Variants in NKD2 observed in about 807,000 individuals in gnomAD.
NKD2 encodes protein naked cuticle homolog 2.
In NKD2, 43 loss-of-function variants were observed where a neutral mutation model predicts 34.8. The ratio of observed to expected loss-of-function variants is 1.24; its 90% CI spans 0.97 to 1.60. The LOEUF (loss-of-function observed/expected upper bound fraction) is 1.60. Among genes scored for constraint, NKD2 ranks in the 40% most tolerant of loss-of-function variants. The probability of loss-of-function intolerance (pLI) is 0.00; values close to 1 mark genes in which losing one functional copy is unlikely to be tolerated. For missense variants in NKD2, 675 were observed against 627.1 expected, an observed-to-expected ratio of 1.08 and a Z score of -0.82; for synonymous variants, 278 against 265.1, an observed-to-expected ratio of 1.05 and a Z score of -0.47.
At chr5:1,037,707 C>T in intron 9 of NKD2, 98 bp from the exon 10 acceptor site, 1 of 1,544,860 alleles carries the variant, frequency 6.5e-7, no homozygotes, top group Non-Finnish European at 8.7e-7. Context: ...AGGTGGGACC[C>T]CTGGCGCAGC....
In NKD2 at chr5:1,034,261, G is replaced by A. The variant is rs756742975; in HGVS notation, c.357G>A (p.Glu119=). Reference sequence around the variant, plus strand: ...CACTCCAGTGCGATGTCTCGGTGGAGGAGGACGACCGCCAGGAGTGGACGT... The same window carrying A: ...CACTCCAGTGCGATGTCTCGGTGGAAGAGGACGACCGCCAGGAGTGGACGT... ...IDALQCDVSV[E]EDDRQEWTFT... Residue 119 remains glutamate, a synonymous_variant, in exon 6 of 10, where the codon GAG becomes GAA. Transcript: ENST00000296849. 2 of 1,611,528 alleles carry A rather than the reference G, an allele frequency of 1.2e-6. No homozygotes were observed. The highest frequency in any genetic ancestry group is 1.7e-6 in the Non-Finnish European group (2 of 1,179,374).
intron 3 of NKD2, among the ~76,000 whole-genome samples, chr5:1,029,100 G>A (rs1560174): frequency 0.39 from 58,823 of 151,912 alleles, 12,377 homozygotes; most frequent in Middle Eastern, 0.48. Context: ...CAACCAGGAC[G>A]GATCTGATGA....
chr5:1,031,770 C>T (rs1756653440), intron 3 of NKD2, among the ~76,000 whole-genome samples: 1 of 152,164 alleles, frequency 6.6e-6, no homozygotes, highest in South Asian at 2.1e-4. Flanking sequence ...GTGTCAGGCT[C>T]CAGTGGGCAG....
intron 3 of NKD2, among the ~76,000 whole-genome samples, chr5:1,017,214 C>T (rs991180835): frequency 2.6e-5 from 4 of 152,314 alleles, no homozygotes; most frequent in Admixed American, 6.5e-5. Context: ...CTGTGGCTGG[C>T]GTCTGGGCCT....
chr5:1,036,105 C>T, intron 8 of NKD2, 152 bp from the exon 9 acceptor site: 1 of 1,348,742 alleles, frequency 7.4e-7, no homozygotes, highest in Non-Finnish European at 9.5e-7. Flanking sequence ...ACTGTCTGTG[C>T]CCAGGCGTCC....
At chr5:1,016,372 C>G (rs541373798) in intron 3 of NKD2, among the ~76,000 whole-genome samples, 1 of 152,264 alleles carries the variant, frequency 6.6e-6, no homozygotes. Context: ...CTGTTCGATC[C>G]TGTCCTGCGC....
chr5:1,010,222 A>AG (rs1044299427), intron 3 of NKD2, among the ~76,000 whole-genome samples: 1 of 152,194 alleles, frequency 6.6e-6, no homozygotes, highest in Non-Finnish European at 1.5e-5. Context: ...GGGCCCTGGA[A>AG]GGGCCTGGGG....
intron 7 of NKD2, 150 bp from the exon 8 acceptor site, chr5:1,035,239 T>G (rs1027971666): frequency 2.9e-6 from 2 of 691,026 alleles, no homozygotes; most frequent in Non-Finnish European, 2.5e-6. Context: ...AGTTAATGAA[T>G]GAGTGAACAA....
At chr5:1,035,157 T>C (rs187957593) in intron 7 of NKD2, among the ~76,000 whole-genome samples, 2 of 150,024 alleles carry the variant, frequency 1.3e-5, no homozygotes, top group East Asian at 1.9e-4. Context: ...AATGAGTTAA[T>C]GAATGAGTGA....
intron 3 of NKD2, among the ~76,000 whole-genome samples, chr5:1,018,925 C>A (rs2150731595): frequency 6.6e-6 from 1 of 152,280 alleles, no homozygotes; most frequent in Admixed American, 6.5e-5. Flanking sequence ...CAGAGAGCAC[C>A]ATCCCTGCTT....
At position 1,037,071 on chromosome 5, in the gene NKD2, G is replaced by T. The variant is rs1380832752; in HGVS notation, c.787+687G>T. 3.3e-5 allele frequency among the ~76,000 whole-genome samples: 5 copies of T among 151,670 alleles called. No homozygotes were observed. The East Asian group carries it at 9.7e-4, about 29-fold the overall frequency. On this transcript the variant is annotated intron_variant, in intron 9 of 9. Coordinates refer to ENST00000296849, the MANE Select transcript of NKD2 (RefSeq NM_033120.4). ...CGGCGGGCAGTGTGGATGGCAGCCA[G>T]GCAGTGTGGACAGCAGGCAGTGTGG...
chr5:1,032,080 C>T, intron 3 of NKD2, 72 bp from the exon 4 acceptor site: 2 of 1,257,910 alleles, frequency 1.6e-6, no homozygotes, highest in Non-Finnish European at 2.3e-6. Flanking sequence ...TCCAGCCGCC[C>T]AGAGCTCCTG....
chr5:1,030,782 T>C lies in NKD2; in HGVS notation c.142-1370T>C, dbSNP rs1029381402. On this transcript the variant is annotated intron_variant, in intron 3 of 9. Coordinates refer to ENST00000296849, the MANE Select transcript of NKD2 (RefSeq NM_033120.4). ...TTTAATAATCAGCTGTTTTGTTTCT[T>C]ATTAAAATGAGGGCAAGCTCTCCTG... Among the ~76,000 whole-genome samples the C allele has an allele frequency of 5.3e-5, 8 of 152,154 alleles. 1 individual carries two copies. Among genetic ancestry groups the C allele is most frequent in the African/African-American group, 1.9e-4 (8 of 41,446 alleles).
At chr5:1,018,907 C>T (rs571424834) in intron 3 of NKD2, among the ~76,000 whole-genome samples, 3 of 152,250 alleles carry the variant, frequency 2.0e-5, no homozygotes, top group South Asian at 2.1e-4. Flanking sequence ...CCTTGGCCTC[C>T]GAAAGGGCAG....
rs543031525 is a variant in NKD2 at position 1,037,552 on chromosome 5, C to G, written c.788-253C>G. ...GCTGTGCGAGAAGAGAAGCTCCGCT[C>G]CCAGGACACACAGTGGGGACAAGGC... On this transcript the variant is annotated intron_variant, in intron 9 of 9. Transcript: ENST00000296849. 82 of 1,535,836 alleles carry G rather than the reference C, an allele frequency of 5.3e-5. 1 individual carries two copies. The South Asian group carries it at 7.4e-4, about 14-fold the overall frequency.
intron 8 of NKD2, 31 bp downstream of exon 8, chr5:1,035,504 G>A: frequency 6.6e-7 from 1 of 1,523,356 alleles, no homozygotes; most frequent in South Asian, 1.2e-5. Flanking sequence ...GTGGGGCTGT[G>A]CCTTAGGCGG....
At chr5:1,027,850 A>C (rs1017638836) in intron 3 of NKD2, among the ~76,000 whole-genome samples, 1 of 152,200 alleles carries the variant, frequency 6.6e-6, no homozygotes, top group African/African-American at 2.4e-5. Flanking sequence ...CGCCCGCTCC[A>C]GGTGGCTCCC....
At chr5:1,036,836 ACAGACAGTGTCGACAG>A (rs772344180) in intron 9 of NKD2, 28 of 448,818 alleles carry the variant, frequency 6.2e-5, no homozygotes, top group Non-Finnish European at 1.1e-4. Flanking sequence ...AGTGTGGACA[ACAGACAGTGTCGACAG>A]CAGGCAGTGT....
intron 9 of NKD2, chr5:1,036,743 C>T (rs138155307): frequency 7.4e-4 from 358 of 485,048 alleles, no homozygotes; most frequent in Middle Eastern, 3.4e-3. Flanking sequence ...GTGGAATCAC[C>T]GGCTCAGTCA....
Sources: allele counts gnomAD v4.1 joint callset (sites outside exome capture counted in the v4.1 genomes callset), GRCh38; gene constraint gnomAD v4.1.1; transcripts MANE v1.5; gene names NCBI Gene and HGNC (gene_info 2026-07-23, HGNC 2026-07-21).